Variants in TUSC3 observed in about 807,000 individuals in gnomAD.
The protein encoded by TUSC3 is dolichyl-diphosphooligosaccharide--protein glycosyltransferase subunit TUSC3.
TUSC3 carries 45 observed loss-of-function variants against 44.8 expected under a neutral mutation model. The ratio of observed to expected loss-of-function variants is 1.00; its 90% confidence interval spans 0.79 to 1.29. TUSC3 has a LOEUF of 1.29. Among genes scored for constraint, TUSC3 ranks in the 50% most tolerant of loss-of-function variants. The pLI is 0.00. For missense variants in TUSC3, 519 were observed against 437.9 expected (o/e 1.19, Z -1.65); for synonymous variants, 212 against 152.9 (o/e 1.39, Z -2.85).
chr8:15,446,255 C>G (rs368165008), intron 1 of TUSC3, among the ~76,000 whole-genome samples: 9 of 151,242 alleles, frequency 6.0e-5, no homozygotes, highest in Admixed American at 5.9e-4. Context: ...GGATGGCGGC[C>G]GGGAAGAGGC....
rs186682549 is a variant in TUSC3, at chr8:15,581,972, G to C, written c.139-41108G>C. On this transcript the variant is annotated intron_variant, in intron 1 of 10. Coordinates refer to ENST00000503731, the MANE Select transcript of TUSC3 (RefSeq NM_006765.4). ...TAGCAGTCAGCGAGATTCCGTGGGC[G>C]TAGGACCCTCTGAGCCAGGTGTGGG... Among the ~76,000 whole-genome samples the C allele has an allele frequency of 3.3e-3, 493 of 151,310 alleles. 7 individuals carry two copies. In the East Asian group the frequency reaches 0.035, roughly 11 times the overall value.
chr8:15,660,760 T>C (rs1326733190), intron 4 of TUSC3, among the ~76,000 whole-genome samples: 1 of 151,840 alleles, frequency 6.6e-6, no homozygotes, highest in Non-Finnish European at 1.5e-5. Flanking sequence ...TGTTATGCAA[T>C]GTATCATTTA....
intron 1 of TUSC3, among the ~76,000 whole-genome samples, chr8:15,421,111 G>C (rs1308580851): frequency 1.3e-5 from 2 of 152,100 alleles, no homozygotes; most frequent in African/African-American, 4.8e-5. Flanking sequence ...CCAAAACTGA[G>C]CTACTGATTC....
intron 2 of TUSC3, among the ~76,000 whole-genome samples, chr8:15,521,396 G>A (rs540177831): frequency 6.6e-6 from 1 of 152,176 alleles, no homozygotes; most frequent in Admixed American, 6.6e-5. Flanking sequence ...GGGGCAGCAG[G>A]AATGAAACAG....
intron 1 of TUSC3, among the ~76,000 whole-genome samples, chr8:15,550,240 G>C (rs934847668): frequency 6.6e-6 from 1 of 151,660 alleles, no homozygotes; most frequent in Non-Finnish European, 1.5e-5. Flanking sequence ...TTTTATTTCT[G>C]TTTTCTTTGG....
rs1469839379 is a variant in TUSC3 at position 15,683,094 on chromosome 8, G to A, written c.798+9258G>A. Reference sequence around the variant, plus strand: ...CTGCCTTTAAGATTTTTTCTTTTGCGTTGACCTTGGAAAGGCTGATGACTA... The same window carrying A: ...CTGCCTTTAAGATTTTTTCTTTTGCATTGACCTTGGAAAGGCTGATGACTA... On this transcript the variant is annotated intron_variant, in intron 6 of 10. Transcript: ENST00000503731. Among the ~76,000 whole-genome samples the A allele has an allele frequency of 3.3e-5, 5 of 152,050 alleles. No homozygotes were observed. In the East Asian group the frequency reaches 5.8e-4, roughly 18 times the overall value.
chr8:15,505,267 A>G lies in TUSC3; in HGVS notation n.189+21784A>G, dbSNP rs79137837. On this transcript the variant is annotated intron_variant and non_coding_transcript_variant, in intron 2 of 5. Transcript: ENST00000503191. ...CCTTCCAAACAAGAAGGCTTTGTCA[A>G]TAAGTTAAACTGCACTGTCAATTGT... 7.3e-3 allele frequency among the ~76,000 whole-genome samples: 1,119 copies of G among 152,340 alleles called. 20 individuals are homozygous for G. Among genetic ancestry groups the G allele is most frequent in the African/African-American group, 0.026 (1,064 of 41,586 alleles).
the TUSC3 span, among the ~76,000 whole-genome samples, chr8:15,801,089 G>C: frequency 6.6e-6 from 1 of 152,146 alleles, no homozygotes; most frequent in East Asian, 1.9e-4. Context: ...AGTTTATTAA[G>C]AAAGTAAAAG....
At chr8:15,825,483 T>G in the TUSC3 span, among the ~76,000 whole-genome samples, 1 of 152,146 alleles carries the variant, frequency 6.6e-6, no homozygotes, top group African/African-American at 2.4e-5. Context: ...ATGATTCAAT[T>G]ACCTCCCACC....
intron 6 of TUSC3, among the ~76,000 whole-genome samples, chr8:15,696,575 T>G (rs1307209005): frequency 6.6e-6 from 1 of 152,122 alleles, no homozygotes; most frequent in Admixed American, 6.5e-5. Context: ...GACCCCAGAA[T>G]GGTAGATACA....
intron 9 of TUSC3, among the ~76,000 whole-genome samples, 191 bp from the exon 10 acceptor site, chr8:15,757,600 A>G (rs371155038): frequency 6.6e-6 from 1 of 152,196 alleles, no homozygotes; most frequent in Non-Finnish European, 1.5e-5. Flanking sequence ...AAAATGACTT[A>G]TAAAGGTCCA....
the TUSC3 span, among the ~76,000 whole-genome samples, chr8:15,829,838 T>C: frequency 1.3e-5 from 2 of 152,170 alleles, no homozygotes; most frequent in Non-Finnish European, 2.9e-5. Context: ...CTGGGTCTAA[T>C]AGTTTTAATT....
chr8:15,749,475 A>G (rs929132286), intron 9 of TUSC3, among the ~76,000 whole-genome samples: 1 of 152,092 alleles, frequency 6.6e-6, no homozygotes, highest in African/African-American at 2.4e-5. Context: ...TACATTTCCA[A>G]TTCTCTTCTT....
At chr8:15,720,709 G>T (rs1047462065) in intron 6 of TUSC3, among the ~76,000 whole-genome samples, 1 of 152,064 alleles carries the variant, frequency 6.6e-6, no homozygotes, top group African/African-American at 2.4e-5. Flanking sequence ...TCATTCTTGA[G>T]ACCATATAAG....
chr8:15,782,109 T>A, the TUSC3 span, among the ~76,000 whole-genome samples: 2 of 152,204 alleles, frequency 1.3e-5, no homozygotes, highest in African/African-American at 2.4e-5. Flanking sequence ...CACTCCAGCC[T>A]GGGCGACAGA....
intron 2 of TUSC3, among the ~76,000 whole-genome samples, chr8:15,503,801 G>C (rs1801006265): frequency 6.6e-6 from 1 of 152,044 alleles, no homozygotes; most frequent in Non-Finnish European, 1.5e-5. Context: ...CCAGGAGTTT[G>C]AGACTAGCCT....
intron 6 of TUSC3, among the ~76,000 whole-genome samples, chr8:15,699,651 ATAT>A (rs1177422921): frequency 1.3e-5 from 2 of 152,210 alleles, no homozygotes; most frequent in African/African-American, 4.8e-5. Flanking sequence ...TTTCCCTTTA[ATAT>A]GAGTTTGAAA....
At chr8:15,761,941 A>C (rs890217366) in intron 10 of TUSC3, among the ~76,000 whole-genome samples, 3 of 152,070 alleles carry the variant, frequency 2.0e-5, no homozygotes, top group African/African-American at 7.3e-5. Flanking sequence ...AAATGTGAAA[A>C]GGGAAAAAAA....
chr8:15,546,674 T>G (rs963732254), intron 1 of TUSC3, among the ~76,000 whole-genome samples: 1 of 151,504 alleles, frequency 6.6e-6, no homozygotes, highest in Admixed American at 6.6e-5. Context: ...TAGCTGGGAT[T>G]ACAGGCATAC....
Sources: allele counts gnomAD v4.1 joint callset (sites outside exome capture counted in the v4.1 genomes callset), GRCh38; gene constraint gnomAD v4.1.1; transcripts MANE v1.5; gene names NCBI Gene and HGNC (gene_info 2026-07-23, HGNC 2026-07-21).